The following DSTYK variants were observed in gnomAD, a reference collection of about 807,000 sequenced individuals.
DSTYK encodes RIP-homologous kinase.
Under a neutral mutation model 98.7 loss-of-function variants are expected in DSTYK, and 34 were observed. The ratio of observed to expected loss-of-function variants is 0.34; its 90% CI spans 0.26 to 0.46. The LOEUF is 0.46. Among genes scored for constraint, DSTYK ranks in the 20% least tolerant of loss-of-function variants. The pLI is 1.00. For missense variants in DSTYK, 962 were observed against 1,181.7 expected (o/e 0.81, Z 2.73); for synonymous variants, 462 against 457.3 (o/e 1.01, Z -0.13).
intron 11 of DSTYK, 150 bp from the exon 12 acceptor site, chr1:205,148,489 ATT>A: frequency 1.1e-6 from 1 of 912,178 alleles, no homozygotes; most frequent in Admixed American, 2.8e-5. Context: ...GGCAGGGTAC[ATT>A]TATAATGCCC....
At position 205,143,917 on chromosome 1, in the gene DSTYK, T is replaced by C. The variant is rs1657144917; in HGVS notation, c.*3641A>G. 6.6e-6 allele frequency: 1 copy of C among 152,662 alleles called. No homozygotes were observed. The highest frequency in any genetic ancestry group is 1.5e-5 in the Non-Finnish European group (1 of 68,048). 9.5% of individuals were successfully genotyped at this position (152,662 alleles called of 1,614,324 possible). ...AGGAGAATCTGCTGCCTAGGCTCTG[T>C]CCCCTTGAAGTTGATGGAGTCAAAA... is the stretch of plus-strand genomic sequence containing the variant. On this transcript the variant is annotated 3_prime_UTR_variant, in exon 13 of 13. Coordinates refer to ENST00000367162, the MANE Select transcript of DSTYK (RefSeq NM_015375.3).
At chr1:205,198,715 G>C (rs1367277649) in intron 1 of DSTYK, among the ~76,000 whole-genome samples, 1 of 151,046 alleles carries the variant, frequency 6.6e-6, no homozygotes, top group African/African-American at 2.4e-5. Context: ...AGTTTGACTT[G>C]ATTTAAAAAA....
At chr1:205,165,862 T>G (rs1657871921) in intron 3 of DSTYK, among the ~76,000 whole-genome samples, 1 of 151,922 alleles carries the variant, frequency 6.6e-6, no homozygotes. Flanking sequence ...GGTGTGATGG[T>G]GCACACCTTT....
chr1:205,201,612 T>C (rs1281570796), intron 1 of DSTYK, among the ~76,000 whole-genome samples: 1 of 152,130 alleles, frequency 6.6e-6, no homozygotes, highest in South Asian at 2.1e-4. Context: ...ATCCACCAGC[T>C]GTGGAAATAA....
chr1:205,165,664 C>T (rs764949916), intron 3 of DSTYK, among the ~76,000 whole-genome samples: 1 of 152,128 alleles, frequency 6.6e-6, no homozygotes, highest in Admixed American at 6.6e-5. Flanking sequence ...ATCTACATAC[C>T]CTTTGATCTA....
chr1:205,162,222 T>A lies in DSTYK; in HGVS notation c.1642-10A>T, dbSNP rs551824447. The A allele has an allele frequency of 4.3e-6, 7 of 1,612,154 alleles. No homozygotes were observed. The highest frequency in any genetic ancestry group is 1.3e-5 in the African/African-American group (1 of 74,990). On this transcript the variant is annotated splice_polypyrimidine_tract_variant and intron_variant, in intron 5 of 12. Transcript: ENST00000367162. Reference sequence around the variant, plus strand: ...TGATGCGCTGGATGATCTACCAGGATGAAGACAGCGAGATCACCAAGGAAT... The same window carrying A: ...TGATGCGCTGGATGATCTACCAGGAAGAAGACAGCGAGATCACCAAGGAAT...
chr1:205,152,544 T>G (rs921317270), intron 10 of DSTYK, among the ~76,000 whole-genome samples: 1 of 152,244 alleles, frequency 6.6e-6, no homozygotes, highest in Non-Finnish European at 1.5e-5. Flanking sequence ...CATTGCGCAG[T>G]GCATGACTGT....
chr1:205,203,326 A>C (rs1659097312), intron 1 of DSTYK, among the ~76,000 whole-genome samples: 1 of 150,318 alleles, frequency 6.7e-6, no homozygotes, highest in African/African-American at 2.5e-5. Context: ...CTACCAAAAA[A>C]AAAAAATAGC....
chr1:205,190,411 G>A (rs1416691570), intron 1 of DSTYK, among the ~76,000 whole-genome samples: 10 of 152,028 alleles, frequency 6.6e-5, no homozygotes, highest in Admixed American at 6.6e-4. Flanking sequence ...GATCACCTGA[G>A]GTCAGGAGTC....
rs1354156580 is a variant in DSTYK at position 205,144,274 on chromosome 1, A to G, written c.*3284T>C. On this transcript the variant is annotated 3_prime_UTR_variant, in exon 13 of 13. Transcript: ENST00000367162. ...GGGGTAAGCTGCCCTAATTATGTTG[A>G]TTAGAAGGACAGACCACAATAAGGG... 6.6e-6 allele frequency: 1 copy of G among 152,446 alleles called. No homozygotes were observed. The highest frequency in any genetic ancestry group is 1.5e-5 in the Non-Finnish European group (1 of 68,012). The allele number at this position is 152,446 out of a possible 1,614,324, so 9.4% of individuals were successfully genotyped here.
At chr1:205,170,961 G>A (rs1275829596) in intron 2 of DSTYK, among the ~76,000 whole-genome samples, 1 of 151,364 alleles carries the variant, frequency 6.6e-6, no homozygotes, top group African/African-American at 2.4e-5. Context: ...AGGGAGCTTA[G>A]GTCTCTGGTG....
chr1:205,154,102 G>A (rs1262441445), intron 10 of DSTYK, among the ~76,000 whole-genome samples: 1 of 151,056 alleles, frequency 6.6e-6, no homozygotes, highest in South Asian at 2.1e-4. Context: ...TAGAGAGAAA[G>A]AGAGAGCGTA....
intron 2 of DSTYK, among the ~76,000 whole-genome samples, chr1:205,170,519 C>T (rs1304913770): frequency 6.6e-6 from 1 of 152,128 alleles, no homozygotes; most frequent in Non-Finnish European, 1.5e-5. Context: ...GTGGTAAGTC[C>T]TAAATACTGT....
chr1:205,161,311 C>CG lies in DSTYK; in HGVS notation c.1894dup (p.Arg632ProfsTer20), dbSNP rs765514158. ...GCTTTCCAGAGAAAGGCGGGCCAGG[C>CG]GGGGAGCATGATCTTTCCGAACCCT... On this transcript the variant is annotated frameshift_variant, in exon 7 of 13. Coordinates refer to ENST00000367162, the MANE Select transcript of DSTYK (RefSeq NM_015375.3). LOFTEE classifies it high-confidence loss of function. The CG allele has an allele frequency of 6.2e-7, 1 of 1,614,082 alleles. No homozygotes were observed. The highest frequency in any genetic ancestry group is 8.5e-7 in the Non-Finnish European group (1 of 1,179,984).
chr1:205,149,309 C>T (rs765946899), intron 11 of DSTYK, among the ~76,000 whole-genome samples: 2 of 151,964 alleles, frequency 1.3e-5, no homozygotes, highest in Non-Finnish European at 2.9e-5. Context: ...CTAATCCTTA[C>T]ATGTATCACC....
In DSTYK at chr1:205,188,093, C is replaced by G. The variant is rs557621593; in HGVS notation, c.266-287G>C. Among the ~76,000 whole-genome samples, 67 of 152,244 alleles carry G rather than the reference C, an allele frequency of 4.4e-4. 1 individual carries two copies. Among genetic ancestry groups the G allele is most frequent in the African/African-American group, 1.6e-3 (66 of 41,536 alleles). ...TGATCTTCCCGCCCCGCTCCTTTTTCATTCAGTGGAGGGACAGCCTAAGGA... is the reference window on the plus strand; with the variant it reads ...TGATCTTCCCGCCCCGCTCCTTTTTGATTCAGTGGAGGGACAGCCTAAGGA... On this transcript the variant is annotated intron_variant, in intron 1 of 12. Coordinates refer to ENST00000367162, the MANE Select transcript of DSTYK (RefSeq NM_015375.3).
intron 1 of DSTYK, among the ~76,000 whole-genome samples, chr1:205,193,516 C>T (rs1344173103): frequency 2.0e-5 from 3 of 152,056 alleles, no homozygotes; most frequent in Admixed American, 2.0e-4. Flanking sequence ...GTCTGCCTCC[C>T]CTTTTTCTCC....
chr1:205,177,654 G>A (rs1258325979), intron 2 of DSTYK, among the ~76,000 whole-genome samples: 4 of 152,050 alleles, frequency 2.6e-5, no homozygotes, highest in Non-Finnish European at 5.9e-5. Flanking sequence ...ATCACTTAAG[G>A]TCAGGAGTTT....
intron 2 of DSTYK, among the ~76,000 whole-genome samples, chr1:205,171,479 C>CTGTGAGG (rs71147731): frequency 1.4e-5 from 2 of 144,392 alleles, no homozygotes; most frequent in Non-Finnish European, 3.0e-5. Context: ...AAAAAAAGAT[C>CTGTGAGG]TTTGAGGTTT....
Sources: gnomAD v4.1 joint callset for allele counts (sites outside exome capture counted in the v4.1 genomes callset) on GRCh38, gnomAD v4.1.1 for gene constraint, MANE v1.5 for transcripts, NCBI Gene and HGNC (gene_info 2026-07-23, HGNC 2026-07-21) for gene names.